The following DLC1 variants were observed in gnomAD, a reference collection of about 807,000 sequenced individuals.
DLC1 encodes the protein rho GTPase-activating protein 7.
DLC1 carries 54 observed loss-of-function variants against 140.3 expected under a neutral mutation model. That is an observed-to-expected ratio of 0.38 (90% CI 0.31 to 0.48). The LOEUF is 0.48. DLC1 is among the 20% of genes least tolerant of loss of function. The probability of loss-of-function intolerance (pLI) is 0.96; values close to 1 mark genes in which losing one functional copy is unlikely to be tolerated. For synonymous variants in DLC1, 986 were observed against 728.1 expected (o/e 1.35, Z -5.70); for missense variants, 2,536 against 1,907.0 (o/e 1.33, Z -6.14).
chr8:13,386,412 A>C (rs543899998), intron 4 of DLC1, among the ~76,000 whole-genome samples: 2 of 152,070 alleles, frequency 1.3e-5, no homozygotes, highest in Non-Finnish European at 2.9e-5. Flanking sequence ...TTCAGAGCTA[A>C]GTATTATATA....
At chr8:13,428,444 A>G (rs1225729441) in intron 2 of DLC1, among the ~76,000 whole-genome samples, 1 of 152,180 alleles carries the variant, frequency 6.6e-6, no homozygotes, top group African/African-American at 2.4e-5. Flanking sequence ...TTTTTACTGA[A>G]TCATTATGAT....
intron 4 of DLC1, among the ~76,000 whole-genome samples, chr8:13,314,439 AAAC>A (rs1832789545): frequency 6.6e-6 from 1 of 151,850 alleles, no homozygotes; most frequent in African/African-American, 2.4e-5. Context: ...CTAAGAAACA[AAAC>A]AACATATATT....
rs1491415150 is a variant in DLC1 at position 13,413,256 on chromosome 8, A to ACTTTTTT, written c.1024-11638_1024-11637insAAAAAAG. ...TAAAACATTATGAGATTTTTTTGCG[A>ACTTTTTT]TTTTTTTTTTTTTTTTTTTTTAGCT... On this transcript the variant is annotated intron_variant, in intron 2 of 17. Transcript: ENST00000276297. Among the ~76,000 whole-genome samples the ACTTTTTT allele has an allele frequency of 1.2e-4, 10 of 82,006 alleles. 1 individual carries two copies. Among genetic ancestry groups the ACTTTTTT allele is most frequent in the East Asian group, 9.2e-4 (2 of 2,184 alleles). The allele number at this position is 82,006 out of a possible 152,430, so 53.8% of individuals were successfully genotyped here.
At chr8:13,493,568 G>T (rs1384517442) in intron 2 of DLC1, among the ~76,000 whole-genome samples, 1 of 152,086 alleles carries the variant, frequency 6.6e-6, no homozygotes, top group Non-Finnish European at 1.5e-5. Flanking sequence ...TGCTGAGAAC[G>T]TTCAATATCC....
chr8:13,160,172 TA>T (rs990207422), intron 5 of DLC1: 3 of 152,118 alleles, frequency 2.0e-5, no homozygotes, highest in African/African-American at 4.8e-5. Flanking sequence ...AAAAGGTGAG[TA>T]GGGGGGCTGG....
intron 2 of DLC1, among the ~76,000 whole-genome samples, chr8:13,422,009 G>C (rs182945821): frequency 6.6e-6 from 1 of 152,158 alleles, no homozygotes; most frequent in African/African-American, 2.4e-5. Flanking sequence ...GAGTTGACTT[G>C]TACCTATTTC....
intron 2 of DLC1, among the ~76,000 whole-genome samples, chr8:13,433,748 T>C (rs1240988724): frequency 6.6e-6 from 1 of 152,186 alleles, no homozygotes; most frequent in African/African-American, 2.4e-5. Flanking sequence ...TGGGAACACA[T>C]ACTGAAAAAA....
chr8:13,386,658 A>G (rs1314241976), intron 4 of DLC1, among the ~76,000 whole-genome samples: 1 of 152,108 alleles, frequency 6.6e-6, no homozygotes, highest in Admixed American at 6.5e-5. Flanking sequence ...CTGTTTTTCA[A>G]AGTCCAAAAT....
At chr8:13,135,115 G>T (rs561861885) in intron 5 of DLC1, among the ~76,000 whole-genome samples, 5 of 152,196 alleles carry the variant, frequency 3.3e-5, no homozygotes, top group Non-Finnish European at 7.4e-5. Context: ...GTGATTCAAC[G>T]GGAGGCCAGG....
At chr8:13,363,295 A>C (rs976201559) in intron 4 of DLC1, among the ~76,000 whole-genome samples, 1 of 150,496 alleles carries the variant, frequency 6.6e-6, no homozygotes, top group African/African-American at 2.4e-5. Context: ...CTGTTTCTGC[A>C]CTGTGTTCTC....
At chr8:13,355,794 C>T (rs1346912115) in intron 4 of DLC1, among the ~76,000 whole-genome samples, 5 of 151,888 alleles carry the variant, frequency 3.3e-5, no homozygotes, top group Admixed American at 6.6e-5. Flanking sequence ...TTTCAAAAAT[C>T]TTATTTTTGG....
At chr8:13,334,548 G>GTTTA (rs1833742571) in intron 4 of DLC1, among the ~76,000 whole-genome samples, 1 of 152,166 alleles carries the variant, frequency 6.6e-6, no homozygotes, top group Admixed American at 6.5e-5. Context: ...GACCAAACCA[G>GTTTA]GTTTGTGGGA....
chr8:13,491,469 G>T (rs1380383478), intron 2 of DLC1, among the ~76,000 whole-genome samples: 1 of 152,138 alleles, frequency 6.6e-6, no homozygotes. Context: ...TAATATGTAT[G>T]TTATAGAACA....
At chr8:13,170,988 T>G (rs945985783) in intron 5 of DLC1, among the ~76,000 whole-genome samples, 9 of 152,162 alleles carry the variant, frequency 5.9e-5, no homozygotes, top group Non-Finnish European at 1.2e-4. Context: ...GCTCTGTGAT[T>G]TAAGAACTAT....
intron 5 of DLC1, among the ~76,000 whole-genome samples, chr8:13,282,287 T>A (rs753368050): frequency 6.6e-6 from 1 of 152,220 alleles, no homozygotes; most frequent in Non-Finnish European, 1.5e-5. Context: ...TTTTCCACTC[T>A]CTGCAGTTGA....
intron 7 of DLC1, among the ~76,000 whole-genome samples, chr8:13,105,226 G>C (rs1819462210): frequency 6.6e-6 from 1 of 152,168 alleles, no homozygotes; most frequent in South Asian, 2.1e-4. Context: ...GTAGCACCCA[G>C]CTAATGGCAT....
At chr8:13,130,991 T>C (rs1822028165) in intron 5 of DLC1, among the ~76,000 whole-genome samples, 1 of 152,156 alleles carries the variant, frequency 6.6e-6, no homozygotes, top group Non-Finnish European at 1.5e-5. Context: ...CCACAAGAAA[T>C]GTGAATACAT....
chr8:13,399,495 C>T (rs1210878433), intron 3 of DLC1, among the ~76,000 whole-genome samples: 1 of 152,154 alleles, frequency 6.6e-6, no homozygotes, highest in African/African-American at 2.4e-5. Context: ...AATGAAGTAA[C>T]TTACATAAAG....
chr8:13,222,040 C>G (rs992554810), intron 5 of DLC1, among the ~76,000 whole-genome samples: 1 of 148,940 alleles, frequency 6.7e-6, no homozygotes, highest in Non-Finnish European at 1.5e-5. Flanking sequence ...CTTAGCTGTT[C>G]TAAGAACAAA....
Sources: gnomAD v4.1 joint callset for allele counts (sites outside exome capture counted in the v4.1 genomes callset) on GRCh38, gnomAD v4.1.1 for gene constraint, MANE v1.5 for transcripts, NCBI Gene and HGNC (gene_info 2026-07-23, HGNC 2026-07-21) for gene names.